Variants in CNNM2 observed in about 807,000 individuals in gnomAD.
CNNM2 encodes metal transporter CNNM2.
CNNM2 carries 12 observed loss-of-function variants against 66.9 expected under a neutral mutation model. The ratio of observed to expected loss-of-function variants is 0.18; its 90% CI spans 0.11 to 0.29. The LOEUF is 0.29. Among genes scored for constraint, CNNM2 ranks in the 10% least tolerant of loss-of-function variants. The pLI is 1.00. For synonymous variants in CNNM2, 557 were observed against 501.8 expected (o/e 1.11, Z -1.47); for missense variants, 705 against 1,167.7 (o/e 0.60, Z 5.77).
At chr10:102,921,451 A>G (rs1315474308) in intron 1 of CNNM2, among the ~76,000 whole-genome samples, 1 of 152,206 alleles carries the variant, frequency 6.6e-6, no homozygotes, top group East Asian at 1.9e-4. Flanking sequence ...TCTCTAGAAC[A>G]GGATCACATT....
chr10:102,995,150 TCCC>T (rs2063967463), intron 1 of CNNM2, among the ~76,000 whole-genome samples: 1 of 138,728 alleles, frequency 7.2e-6, no homozygotes, highest in African/African-American at 2.7e-5. Context: ...TTCTTCCTCC[TCCC>T]CCTCTTCCTC....
intron 1 of CNNM2, among the ~76,000 whole-genome samples, chr10:103,023,386 C>T (rs1484211389): frequency 6.6e-6 from 1 of 152,142 alleles, no homozygotes; most frequent in Non-Finnish European, 1.5e-5. Context: ...AACCCCATCT[C>T]TACTAAAAAT....
At chr10:103,041,182 C>T (rs893963453) in intron 1 of CNNM2, among the ~76,000 whole-genome samples, 12 of 152,260 alleles carry the variant, frequency 7.9e-5, no homozygotes, top group African/African-American at 2.2e-4. Flanking sequence ...TCTCCAGCCC[C>T]GTCTTCCGCC....
At chr10:102,998,520 T>C (rs1030186439) in intron 1 of CNNM2, among the ~76,000 whole-genome samples, 2 of 152,160 alleles carry the variant, frequency 1.3e-5, no homozygotes, top group Non-Finnish European at 2.9e-5. Flanking sequence ...CAGGCTTGTC[T>C]CTGGGCAAGG....
intron 1 of CNNM2, among the ~76,000 whole-genome samples, chr10:103,000,125 A>G (rs2064088625): frequency 1.3e-5 from 2 of 152,118 alleles, no homozygotes; most frequent in Admixed American, 1.3e-4. Context: ...AATACCAGCT[A>G]CTTGGGAGGC....
intron 1 of CNNM2, among the ~76,000 whole-genome samples, chr10:102,926,157 T>G (rs908831635): frequency 9.2e-5 from 14 of 152,214 alleles, no homozygotes; most frequent in Non-Finnish European, 1.5e-4. Context: ...CCATGTCCTA[T>G]TCGTGCATTT....
Position 103,068,626 on chromosome 10 carries a change from C to A in CNNM2, c.2074-3C>A. On this transcript the variant is annotated splice_region_variant and splice_polypyrimidine_tract_variant and intron_variant, in intron 4 of 7. Transcript: ENST00000369878. ...TGAAAATACCTGCCTTTTCTCTCCA[C>A]AGGGGAAAGTGGAAGTTGAAGCTGG... The A allele has an allele frequency of 6.2e-7, 1 of 1,609,980 alleles. No individual in the cohort carries two copies. The highest frequency in any genetic ancestry group is 8.5e-7 in the Non-Finnish European group (1 of 1,178,116).
intron 1 of CNNM2, among the ~76,000 whole-genome samples, chr10:103,034,596 T>C (rs2064894245): frequency 6.6e-6 from 1 of 152,228 alleles, no homozygotes; most frequent in Non-Finnish European, 1.5e-5. Context: ...GAAATTAGCT[T>C]AGTTGAAATC....
At chr10:102,981,684 C>T (rs548058335) in intron 1 of CNNM2, among the ~76,000 whole-genome samples, 4 of 152,096 alleles carry the variant, frequency 2.6e-5, no homozygotes, top group South Asian at 2.1e-4. Context: ...TACACCACCA[C>T]GCCTGACCAG....
At chr10:102,924,847 CA>C (rs1320051015) in intron 1 of CNNM2, among the ~76,000 whole-genome samples, 4 of 152,072 alleles carry the variant, frequency 2.6e-5, no homozygotes, top group African/African-American at 4.8e-5. Flanking sequence ...TGATGTTGTA[CA>C]TTTATTTTTG....
intron 1 of CNNM2, among the ~76,000 whole-genome samples, chr10:103,027,755 C>T (rs780877217): frequency 2.0e-5 from 3 of 152,128 alleles, no homozygotes; most frequent in Non-Finnish European, 2.9e-5. Flanking sequence ...TTTTTAGCTT[C>T]CTAACCCATG....
At chr10:103,014,327 T>C (rs1455529042) in intron 1 of CNNM2, among the ~76,000 whole-genome samples, 2 of 152,212 alleles carry the variant, frequency 1.3e-5, no homozygotes, top group Non-Finnish European at 2.9e-5. Flanking sequence ...CTAACATTGA[T>C]GAAGCACCTG....
At chr10:102,987,465 T>C (rs1238464561) in intron 1 of CNNM2, among the ~76,000 whole-genome samples, 1 of 151,942 alleles carries the variant, frequency 6.6e-6, no homozygotes, top group Non-Finnish European at 1.5e-5. Context: ...GGACCACAGG[T>C]GCCCACCACC....
chr10:103,073,468 A>G (rs891769645), intron 6 of CNNM2, among the ~76,000 whole-genome samples: 1 of 152,208 alleles, frequency 6.6e-6, no homozygotes, highest in African/African-American at 2.4e-5. Flanking sequence ...TTTCAAAAAA[A>G]GGACTAATCT....
chr10:103,042,443 C>T (rs1274560358), intron 1 of CNNM2, among the ~76,000 whole-genome samples: 1 of 152,172 alleles, frequency 6.6e-6, no homozygotes, highest in Non-Finnish European at 1.5e-5. Context: ...AGCACTTGAA[C>T]ACGACCCAAC....
chr10:102,957,117 C>T (rs1463032105), intron 1 of CNNM2, among the ~76,000 whole-genome samples: 2 of 151,996 alleles, frequency 1.3e-5, no homozygotes, highest in Non-Finnish European at 2.9e-5. Flanking sequence ...GCCTGGCCAA[C>T]ATGGTGAAAC....
intron 1 of CNNM2, among the ~76,000 whole-genome samples, chr10:103,027,145 G>A (rs139015322): frequency 3.3e-5 from 5 of 152,026 alleles, no homozygotes; most frequent in Non-Finnish European, 7.4e-5. Flanking sequence ...TCTCTGCTCT[G>A]TGCCAACTTC....
At chr10:102,971,262 G>GAAAAAA (rs202223790) in intron 1 of CNNM2, among the ~76,000 whole-genome samples, 1 of 117,402 alleles carries the variant, frequency 8.5e-6, no homozygotes, top group Admixed American at 8.5e-5. Flanking sequence ...AAAAAAAAAA[G>GAAAAAA]AAAAAAAAAA....
chr10:103,014,111 T>C (rs775984535), intron 1 of CNNM2, among the ~76,000 whole-genome samples: 9 of 152,346 alleles, frequency 5.9e-5, no homozygotes, highest in Middle Eastern at 3.4e-3. Context: ...TGGTTCTCTT[T>C]ACGCATTACA....
Sources: allele counts gnomAD v4.1 joint callset (sites outside exome capture counted in the v4.1 genomes callset), GRCh38; gene constraint gnomAD v4.1.1; transcripts MANE v1.5; gene names NCBI Gene and HGNC (gene_info 2026-07-23, HGNC 2026-07-21).